Variants in PRKG1 observed in about 807,000 individuals in gnomAD.
PRKG1 encodes the protein protein kinase cGMP-dependent 1.
In PRKG1, 35 loss-of-function variants were observed where a neutral mutation model predicts 88.1. The ratio of observed to expected loss-of-function variants is 0.40; its 90% confidence interval spans 0.30 to 0.53. PRKG1 has a LOEUF of 0.53. Among genes scored for constraint, PRKG1 ranks in the 20% least tolerant of loss-of-function variants. The pLI is 0.59. For missense variants in PRKG1, 540 were observed against 839.8 expected, an observed-to-expected ratio of 0.64 and a Z score of 4.41; for synonymous variants, 303 against 292.5, an observed-to-expected ratio of 1.04 and a Z score of -0.37.
chr10:51,804,567 T>C lies in PRKG1; in HGVS notation c.593-18T>C. ...TGATTAATTTTTCCCTGTTTGTTTC[T>C]CTTTTATTTTTCTCCAGCTCTTGTA... On this transcript the variant is annotated intron_variant, in intron 3 of 17. Coordinates refer to ENST00000373980, the MANE Select transcript of PRKG1 (RefSeq NM_006258.4). 3 of 1,521,202 alleles carry C rather than the reference T, an allele frequency of 2.0e-6. No homozygotes were observed. Among genetic ancestry groups the C allele is most frequent in the Non-Finnish European group, 2.7e-6 (3 of 1,098,838 alleles). The allele number at this position is 1,521,202 out of a possible 1,614,324, so 94.2% of individuals were successfully genotyped here.
intron 4 of PRKG1, among the ~76,000 whole-genome samples, chr10:51,854,907 G>A (rs778520086): frequency 3.3e-5 from 5 of 152,152 alleles, no homozygotes; most frequent in African/African-American, 4.8e-5. Context: ...GCTAAACAGA[G>A]TGCATATATG....
intron 3 of PRKG1, among the ~76,000 whole-genome samples, chr10:51,602,963 G>A (rs1340315715): frequency 6.6e-6 from 1 of 151,656 alleles, no homozygotes; most frequent in African/African-American, 2.4e-5. Context: ...AATAATTCAA[G>A]TTTATTTTTT....
At chr10:52,121,015 G>A (rs954631117) in intron 7 of PRKG1, among the ~76,000 whole-genome samples, 4 of 152,154 alleles carry the variant, frequency 2.6e-5, no homozygotes, top group Non-Finnish European at 5.9e-5. Context: ...AGTTATATGT[G>A]GACACTGCCA....
intron 2 of PRKG1, among the ~76,000 whole-genome samples, chr10:51,440,307 C>G (rs73334438): frequency 0.028 from 4,286 of 151,898 alleles, 178 homozygotes; most frequent in African/African-American, 0.094. Flanking sequence ...AATTTTTCAA[C>G]TTTACAATTG....
chr10:51,110,416 T>C (rs1272368863), intron 1 of PRKG1, among the ~76,000 whole-genome samples: 1 of 152,094 alleles, frequency 6.6e-6, no homozygotes, highest in African/African-American at 2.4e-5. Flanking sequence ...TAAATTATGC[T>C]AGTGAAAGAA....
rs1398177153 is a variant in PRKG1, at chr10:52,161,959, G to A, written c.1072G>A (p.Ala358Thr). 6.2e-7 allele frequency: 1 copy of A among 1,610,368 alleles called. No individual in the cohort carries two copies. The highest frequency in any genetic ancestry group is 1.7e-5 in the Admixed American group (1 of 59,904). Residue 358 changes from alanine to threonine, a missense_variant, in exon 9 of 18, where the codon GCA (alanine) becomes ACA (threonine). Physicochemically the swap from Ala to Thr is moderately conservative, Grantham distance 58. Transcript: ENST00000373980. Reference sequence around the variant, plus strand: ...AGCATATGAAGATGCAGAAGCTAAAGCAAAGTAAGTGACTTTTTTCCTTAA... The same window carrying A: ...AGCATATGAAGATGCAGAAGCTAAAACAAAGTAAGTGACTTTTTTCCTTAA... ...NKAYEDAEAKAKYEAEAAFFA... is the reference protein window; with the variant it reads ...NKAYEDAEAKTKYEAEAAFFA...
At chr10:52,052,371 T>G (rs1263775520) in intron 5 of PRKG1, among the ~76,000 whole-genome samples, 1 of 151,748 alleles carries the variant, frequency 6.6e-6, no homozygotes, top group African/African-American at 2.4e-5. Context: ...GCCCAGGAGT[T>G]TGAGACCAGC....
At chr10:51,284,503 G>A (rs1840382930) in intron 2 of PRKG1, among the ~76,000 whole-genome samples, 1 of 152,126 alleles carries the variant, frequency 6.6e-6, no homozygotes, top group Non-Finnish European at 1.5e-5. Context: ...TTTTGCAAAT[G>A]TATTTCAAGA....
intron 9 of PRKG1, among the ~76,000 whole-genome samples, chr10:52,218,646 A>T (rs933631888): frequency 1.2e-4 from 18 of 152,188 alleles, no homozygotes; most frequent in Non-Finnish European, 1.6e-4. Flanking sequence ...TATAAATTCT[A>T]CACTCATTAC....
intron 7 of PRKG1, among the ~76,000 whole-genome samples, chr10:52,077,785 T>G (rs181025283): frequency 5.3e-5 from 8 of 152,252 alleles, no homozygotes; most frequent in Admixed American, 5.2e-4. Flanking sequence ...AGCAGAATAC[T>G]TTAGGGCTCA....
intron 1 of PRKG1, chr10:51,068,391 C>T (rs1195503896): frequency 6.6e-6 from 1 of 152,046 alleles, no homozygotes; most frequent in Non-Finnish European, 1.5e-5. Context: ...ACATCTTTCT[C>T]TTGCCCAATG....
intron 5 of PRKG1, among the ~76,000 whole-genome samples, chr10:51,965,450 A>G (rs765426678): frequency 4.6e-5 from 7 of 152,176 alleles, no homozygotes; most frequent in Non-Finnish European, 8.8e-5. Flanking sequence ...TGTATGTAAG[A>G]TTTAATTTTG....
chr10:51,839,036 A>C (rs1410568392), intron 4 of PRKG1, among the ~76,000 whole-genome samples: 1 of 152,192 alleles, frequency 6.6e-6, no homozygotes, highest in Non-Finnish European at 1.5e-5. Context: ...ACATTGATAC[A>C]GCCTGCCAGA....
chr10:51,366,563 G>A (rs1331312756), intron 2 of PRKG1, among the ~76,000 whole-genome samples: 1 of 151,860 alleles, frequency 6.6e-6, no homozygotes, highest in Non-Finnish European at 1.5e-5. Context: ...TGTAAATACA[G>A]TTATCTCCAG....
chr10:51,703,854 A>G (rs142778557), intron 3 of PRKG1, among the ~76,000 whole-genome samples: 4 of 152,282 alleles, frequency 2.6e-5, no homozygotes, highest in African/African-American at 9.6e-5. Context: ...TTGCAATCAT[A>G]GTTGCCAGGC....
chr10:51,850,099 T>A (rs908240663), intron 4 of PRKG1, among the ~76,000 whole-genome samples: 3 of 152,244 alleles, frequency 2.0e-5, no homozygotes, highest in Non-Finnish European at 4.4e-5. Context: ...CATTGTTCAC[T>A]TGTTTTATAA....
At chr10:51,928,445 CA>C (rs1842623245) in intron 5 of PRKG1, among the ~76,000 whole-genome samples, 4 of 152,144 alleles carry the variant, frequency 2.6e-5, no homozygotes, top group Admixed American at 2.6e-4. Context: ...CTGGCTGTAC[CA>C]AACTATGAAA....
At chr10:52,220,352 G>A (rs1840212731) in intron 9 of PRKG1, among the ~76,000 whole-genome samples, 1 of 152,074 alleles carries the variant, frequency 6.6e-6, no homozygotes, top group African/African-American at 2.4e-5. Context: ...ATGTGAGTGG[G>A]ACATCTTGGA....
At chr10:51,405,007 A>G (rs1837867659) in intron 2 of PRKG1, among the ~76,000 whole-genome samples, 1 of 152,204 alleles carries the variant, frequency 6.6e-6, no homozygotes, top group Non-Finnish European at 1.5e-5. Flanking sequence ...ATGAGTAAAC[A>G]TTTTGATTTT....
Sources: gnomAD v4.1 joint callset for allele counts (sites outside exome capture counted in the v4.1 genomes callset) on GRCh38, gnomAD v4.1.1 for gene constraint, MANE v1.5 for transcripts, NCBI Gene and HGNC (gene_info 2026-07-23, HGNC 2026-07-21) for gene names.